The following CLSTN2 variants were observed in gnomAD, a reference collection of about 807,000 sequenced individuals.
The protein encoded by CLSTN2 is calsyntenin 2.
In CLSTN2, 48 loss-of-function variants were observed where a neutral mutation model predicts 101.2. That is an observed-to-expected ratio of 0.47 (90% CI 0.38 to 0.60). The LOEUF (loss-of-function observed/expected upper bound fraction) is 0.60, where lower values mean the gene tolerates loss of function less well. Among genes scored for constraint, CLSTN2 ranks in the 20% least tolerant of loss-of-function variants. The pLI is 0.00. For synonymous variants in CLSTN2, 481 were observed against 463.6 expected (o/e 1.04, Z -0.48); for missense variants, 1,160 against 1,238.2 (o/e 0.94, Z 0.95).
intron 1 of CLSTN2, among the ~76,000 whole-genome samples, chr3:140,117,619 T>C (rs2009267554): frequency 6.6e-6 from 1 of 152,190 alleles, no homozygotes; most frequent in Non-Finnish European, 1.5e-5. Flanking sequence ...CAATACTTAC[T>C]GTTGTCTGCC....
intron 1 of CLSTN2, among the ~76,000 whole-genome samples, chr3:140,043,954 A>G (rs1410301169): frequency 6.6e-6 from 1 of 152,216 alleles, no homozygotes; most frequent in Non-Finnish European, 1.5e-5. Context: ...GAAGTCAGGT[A>G]GCGTGATGCC....
rs1210796764 is a variant in CLSTN2 at position 140,171,783 on chromosome 3, T to C, written c.110-4168T>C. Among the ~76,000 whole-genome samples, 86 of 74,700 alleles carry C rather than the reference T, an allele frequency of 1.2e-3. 2 individuals carry two copies. The highest frequency in any genetic ancestry group is 7.1e-3 in the African/African-American group (81 of 11,482). 49.0% of individuals were successfully genotyped at this position (74,700 alleles called of 152,430 possible). A position where few individuals can be genotyped will look rare whatever the true frequency, so the allele number is the denominator to read the frequency against. ...TATATAATATATAATATGTATTATA[T>C]AATATATAATATATAATATGTATTA... On this transcript the variant is annotated intron_variant, in intron 1 of 16. Transcript: ENST00000458420.
chr3:140,271,116 C>T (rs1254974131), intron 2 of CLSTN2, among the ~76,000 whole-genome samples: 5 of 152,142 alleles, frequency 3.3e-5, no homozygotes, highest in Non-Finnish European at 4.4e-5. Flanking sequence ...CAGCTGATGG[C>T]TCGGTGCATC....
At chr3:140,078,823 T>A (rs1401434877) in intron 1 of CLSTN2, among the ~76,000 whole-genome samples, 1 of 152,182 alleles carries the variant, frequency 6.6e-6, no homozygotes, top group Non-Finnish European at 1.5e-5. Flanking sequence ...AGTTTATGAG[T>A]TAGTGAATAA....
chr3:140,339,565 T>A (rs1025252230), intron 2 of CLSTN2, among the ~76,000 whole-genome samples: 2 of 152,132 alleles, frequency 1.3e-5, no homozygotes, highest in African/African-American at 4.8e-5. Flanking sequence ...ACCTACTAAA[T>A]GAGATCCCTG....
intron 2 of CLSTN2, among the ~76,000 whole-genome samples, chr3:140,371,133 T>C (rs1324382842): frequency 6.6e-6 from 1 of 152,200 alleles, no homozygotes; most frequent in Non-Finnish European, 1.5e-5. Context: ...ATTCCCCTGG[T>C]ACTGAAGCTG....
chr3:140,271,634 A>AC (rs1028511780), intron 2 of CLSTN2, among the ~76,000 whole-genome samples: 2 of 151,496 alleles, frequency 1.3e-5, no homozygotes, highest in East Asian at 3.9e-4. Context: ...ATTCAGAAGG[A>AC]CCCCCCTCTT....
At chr3:140,513,006 C>T (rs1420328316) in intron 8 of CLSTN2, among the ~76,000 whole-genome samples, 1 of 152,088 alleles carries the variant, frequency 6.6e-6, no homozygotes, top group Non-Finnish European at 1.5e-5. Flanking sequence ...GCTTAAGATG[C>T]TTTTCAACTA....
chr3:140,182,742 A>G (rs1437566319), intron 2 of CLSTN2, among the ~76,000 whole-genome samples: 1 of 152,086 alleles, frequency 6.6e-6, no homozygotes, highest in Non-Finnish European at 1.5e-5. Flanking sequence ...CACCTACAAG[A>G]GTCTATTGTG....
chr3:140,348,354 T>G (rs531758695), intron 2 of CLSTN2, among the ~76,000 whole-genome samples: 1 of 152,222 alleles, frequency 6.6e-6, no homozygotes, highest in Non-Finnish European at 1.5e-5. Context: ...AAGGGCTTTT[T>G]CTTGCTCTGA....
In CLSTN2 at chr3:140,569,714, T is replaced by C. The variant is rs1248351759; in HGVS notation, c.*3461T>C. The C allele has an allele frequency of 6.6e-6, 1 of 152,214 alleles. No homozygotes were observed. Among genetic ancestry groups the C allele is most frequent in the Non-Finnish European group, 1.5e-5 (1 of 68,040 alleles). 9.4% of individuals were successfully genotyped at this position (152,214 alleles called of 1,614,324 possible). On this transcript the variant is annotated 3_prime_UTR_variant, in exon 17 of 17. Coordinates refer to ENST00000458420, the MANE Select transcript of CLSTN2 (RefSeq NM_022131.3). ...TTTTTGAGCCAGAGTCTTGCTGCTC[T>C]GTCACCCAGGCTGGAGTGCAGTGGC...
intron 1 of CLSTN2, among the ~76,000 whole-genome samples, chr3:140,046,588 G>A (rs938844369): frequency 2.0e-5 from 3 of 152,124 alleles, no homozygotes; most frequent in Non-Finnish European, 4.4e-5. Flanking sequence ...CTCGTTAGTT[G>A]ATGCAGTTCC....
In CLSTN2 at chr3:140,320,174, C is replaced by A. The variant is rs187741212; in HGVS notation, c.233-83455C>A. Among the ~76,000 whole-genome samples the A allele has an allele frequency of 5.3e-5, 8 of 152,304 alleles. No individual in the cohort carries two copies. The East Asian group carries it at 1.2e-3, about 22-fold the overall frequency. Reference sequence around the variant, plus strand: ...AGGAGCTCTGCATGGTGCAAGCCAGCCGTGAGACCTAAAGAACCTAAGAAC... The same window carrying A: ...AGGAGCTCTGCATGGTGCAAGCCAGACGTGAGACCTAAAGAACCTAAGAAC... On this transcript the variant is annotated intron_variant, in intron 2 of 16. Coordinates refer to ENST00000458420, the MANE Select transcript of CLSTN2 (RefSeq NM_022131.3).
At chr3:140,522,658 C>T (rs144257582) in intron 8 of CLSTN2, among the ~76,000 whole-genome samples, 6 of 152,354 alleles carry the variant, frequency 3.9e-5, no homozygotes, top group Admixed American at 2.6e-4. Flanking sequence ...TCCAGCCACA[C>T]ATCTTTCAAG....
At chr3:140,265,997 C>T (rs961542964) in intron 2 of CLSTN2, among the ~76,000 whole-genome samples, 4 of 152,174 alleles carry the variant, frequency 2.6e-5, no homozygotes, top group African/African-American at 7.2e-5. Context: ...TCAGCTCAGC[C>T]AGCTAAGGAC....
At chr3:140,389,751 A>T (rs1016851212) in intron 2 of CLSTN2, among the ~76,000 whole-genome samples, 6 of 152,206 alleles carry the variant, frequency 3.9e-5, no homozygotes, top group Admixed American at 3.3e-4. Flanking sequence ...TTCCACCAAC[A>T]GATTAAAGCA....
chr3:140,018,918 G>A (rs1025754497), intron 1 of CLSTN2, among the ~76,000 whole-genome samples: 8 of 152,138 alleles, frequency 5.3e-5, no homozygotes, highest in Non-Finnish European at 8.8e-5. Context: ...GATTTGATCC[G>A]CAGCACATCT....
At chr3:140,300,192 T>C (rs1049561450) in intron 2 of CLSTN2, among the ~76,000 whole-genome samples, 1 of 152,190 alleles carries the variant, frequency 6.6e-6, no homozygotes, top group South Asian at 2.1e-4. Flanking sequence ...ACTCAAGGGA[T>C]TTTATGCATA....
chr3:140,081,940 C>A (rs770509639), intron 1 of CLSTN2, among the ~76,000 whole-genome samples: 5 of 152,150 alleles, frequency 3.3e-5, no homozygotes, highest in Non-Finnish European at 5.9e-5. Context: ...TTGGCTGATT[C>A]ATTTAACTAA....
Sources: allele counts gnomAD v4.1 joint callset (sites outside exome capture counted in the v4.1 genomes callset), GRCh38; gene constraint gnomAD v4.1.1; transcripts MANE v1.5; gene names NCBI Gene and HGNC (gene_info 2026-07-23, HGNC 2026-07-21).